The following AEBP2 variants were observed in gnomAD, a reference collection of about 807,000 sequenced individuals.
The protein encoded by AEBP2 is AE binding protein 2.
AEBP2 carries 10 observed loss-of-function variants against 50.8 expected under a neutral mutation model. The observed-to-expected ratio is 0.20, with a 90% CI of 0.12 to 0.33. AEBP2 has a LOEUF of 0.33. Among genes scored for constraint, AEBP2 ranks in the 10% least tolerant of loss-of-function variants. AEBP2 has a pLI of 1.00. For missense variants in AEBP2, 570 were observed against 688.0 expected, an observed-to-expected ratio of 0.83 and a Z score of 1.92; for synonymous variants, 296 against 261.3, an observed-to-expected ratio of 1.13 and a Z score of -1.28.
chr12:19,464,390 A>G (rs1205542855), intron 2 of AEBP2, among the ~76,000 whole-genome samples: 1 of 152,052 alleles, frequency 6.6e-6, no homozygotes, highest in East Asian at 1.9e-4. Flanking sequence ...TGTGTATAGA[A>G]TCATGAGCTA....
chr12:19,518,704 A>G lies in AEBP2; in HGVS notation c.*587A>G, dbSNP rs1477652185. On this transcript the variant is annotated 3_prime_UTR_variant, in exon 8 of 8. Coordinates refer to ENST00000266508, the MANE Select transcript of AEBP2 (RefSeq NM_153207.5). Reference sequence around the variant, plus strand: ...CTGATAAGAAAAGTGTTCAATTTGTATTTAAGCAAACAGTGAACGACGTTT... The same window carrying G: ...CTGATAAGAAAAGTGTTCAATTTGTGTTTAAGCAAACAGTGAACGACGTTT... 1.1e-5 allele frequency: 17 copies of G among 1,493,978 alleles called. No individual in the cohort carries two copies. The highest frequency in any genetic ancestry group is 1.5e-5 in the Non-Finnish European group (17 of 1,105,370). 92.5% of individuals were successfully genotyped at this position (1,493,978 alleles called of 1,614,324 possible).
At chr12:19,420,693 C>T (rs966738944) in intron 1 of AEBP2, among the ~76,000 whole-genome samples, 2 of 152,086 alleles carry the variant, frequency 1.3e-5, no homozygotes, top group African/African-American at 4.8e-5. Context: ...TTTTTACTTC[C>T]CTTTCCATCC....
intron 2 of AEBP2, among the ~76,000 whole-genome samples, chr12:19,464,501 TGAG>T (rs1360418705): frequency 2.6e-5 from 4 of 152,202 alleles, no homozygotes; most frequent in African/African-American, 9.6e-5. Context: ...TACAACCTGA[TGAG>T]AATTTCAGCC....
At position 19,518,216 on chromosome 12, in the gene AEBP2, T is replaced by TTA; in HGVS notation, c.*100_*101insAT. ...AAAGTTGCACATTAGAGTCAACCCC[T>TTA]TCTTTTTTTTTTTTTTTTTTTTAAA... On this transcript the variant is annotated 3_prime_UTR_variant, in exon 8 of 8. Coordinates refer to ENST00000266508, the MANE Select transcript of AEBP2 (RefSeq NM_153207.5). The TTA allele has an allele frequency of 1.5e-6, 2 of 1,305,066 alleles. No individual in the cohort carries two copies. Among genetic ancestry groups the TTA allele is most frequent in the Middle Eastern group, 2.3e-4 (1 of 4,418 alleles). 80.8% of individuals were successfully genotyped at this position (1,305,066 alleles called of 1,614,324 possible). A position where few individuals can be genotyped will look rare whatever the true frequency, so the allele number is the denominator to read the frequency against.
rs571647300 is a variant in AEBP2, at chr12:19,506,167, G to A, written c.1299+5946G>A. Among the ~76,000 whole-genome samples the A allele has an allele frequency of 9.9e-5, 15 of 151,990 alleles. No homozygotes were observed. The East Asian group carries it at 2.9e-3, about 30-fold the overall frequency. On this transcript the variant is annotated intron_variant, in intron 5 of 7. Transcript: ENST00000266508. ...GCCGGAGTGCAGTGACACCATACTG[G>A]CTCACTGCAACCTCTGCCTCCCAGG... is the stretch of plus-strand genomic sequence containing the variant.
chr12:19,432,211 T>C (rs2153365269), intron 1 of AEBP2, among the ~76,000 whole-genome samples: 1 of 152,270 alleles, frequency 6.6e-6, no homozygotes. Context: ...TACTCAAATC[T>C]GTCGCCAGTC....
chr12:19,480,844 C>A (rs75572639), intron 3 of AEBP2, among the ~76,000 whole-genome samples: 7,288 of 152,182 alleles, frequency 0.048, 388 homozygotes, highest in Admixed American at 0.15. Flanking sequence ...TTTAGCAAGG[C>A]CAGGGAAGTT....
chr12:19,492,855 T>C (rs377389390), intron 3 of AEBP2, among the ~76,000 whole-genome samples: 39 of 152,012 alleles, frequency 2.6e-4, no homozygotes, highest in African/African-American at 9.4e-4. Context: ...CGTGTGCCTA[T>C]AGTACCACCA....
chr12:19,490,104 C>T (rs550353362), intron 3 of AEBP2, among the ~76,000 whole-genome samples: 2 of 146,336 alleles, frequency 1.4e-5, no homozygotes, highest in Non-Finnish European at 3.0e-5. Flanking sequence ...ACCTTGGCCT[C>T]CCAGAATGTT....
chr12:19,518,218 C>CTTTTTTTTTTTTTTTTTTT lies in AEBP2; in HGVS notation c.*103_*121dup. ...AGTTGCACATTAGAGTCAACCCCTTCTTTTTTTTTTTTTTTTTTTTAAATC... is the reference window on the plus strand; with the variant it reads ...AGTTGCACATTAGAGTCAACCCCTTCTTTTTTTTTTTTTTTTTTTTTTTTTTTTTTTTTTTTTTTAAATC... On this transcript the variant is annotated 3_prime_UTR_variant, in exon 8 of 8. Transcript: ENST00000266508. The CTTTTTTTTTTTTTTTTTTT allele has an allele frequency of 9.9e-7, 1 of 1,005,786 alleles. No individual in the cohort carries two copies. The highest frequency in any genetic ancestry group is 1.2e-6 in the Non-Finnish European group (1 of 803,910). 62.3% of individuals were successfully genotyped at this position (1,005,786 alleles called of 1,614,324 possible).
At chr12:19,429,083 C>T (rs936660450) in intron 1 of AEBP2, among the ~76,000 whole-genome samples, 18 of 152,140 alleles carry the variant, frequency 1.2e-4, no homozygotes, top group African/African-American at 2.7e-4. Flanking sequence ...TCTATTAACT[C>T]GTCATTTAAC....
chr12:19,510,014 G>C (rs1254595857), intron 5 of AEBP2, among the ~76,000 whole-genome samples: 1 of 151,802 alleles, frequency 6.6e-6, no homozygotes, highest in Non-Finnish European at 1.5e-5. Flanking sequence ...TATATTTTTA[G>C]TAGAGATAGG....
At chr12:19,467,393 G>C (rs888096001) in intron 2 of AEBP2, among the ~76,000 whole-genome samples, 2 of 152,072 alleles carry the variant, frequency 1.3e-5, no homozygotes, top group Non-Finnish European at 2.9e-5. Flanking sequence ...TCCCAGGTTC[G>C]AGTGATGCTC....
chr12:19,516,186 A>G (rs2120632520), intron 7 of AEBP2, among the ~76,000 whole-genome samples: 1 of 152,344 alleles, frequency 6.6e-6, no homozygotes, highest in South Asian at 2.1e-4. Flanking sequence ...GGAGAAGAAG[A>G]TTGAGAGTAA....
upstream of AEBP2, among the ~76,000 whole-genome samples, chr12:19,436,705 C>T (rs1006430340): frequency 6.6e-6 from 1 of 151,864 alleles, no homozygotes; most frequent in Non-Finnish European, 1.5e-5. Context: ...GTCCTCCCAC[C>T]TCAGCCTCCC....
intron 5 of AEBP2, among the ~76,000 whole-genome samples, chr12:19,506,330 A>C (rs1188192534): frequency 6.6e-6 from 1 of 151,858 alleles, no homozygotes; most frequent in Non-Finnish European, 1.5e-5. Flanking sequence ...GAACTCCTGA[A>C]CTGTAGTGAT....
intron 5 of AEBP2, among the ~76,000 whole-genome samples, chr12:19,509,732 A>T (rs866443226): frequency 4.0e-5 from 6 of 151,516 alleles, no homozygotes; most frequent in Middle Eastern, 6.9e-3. Flanking sequence ...TGACAGAGTG[A>T]GACTTTGGCT....
intron 2 of AEBP2, among the ~76,000 whole-genome samples, chr12:19,472,595 T>TCAA (rs1004352310): frequency 6.6e-6 from 1 of 152,206 alleles, no homozygotes; most frequent in African/African-American, 2.4e-5. Flanking sequence ...TCTATTTGTT[T>TCAA]CATTACAAAA....
chr12:19,492,042 G>A (rs1299265993), intron 3 of AEBP2, among the ~76,000 whole-genome samples: 1 of 152,130 alleles, frequency 6.6e-6, no homozygotes, highest in African/African-American at 2.4e-5. Flanking sequence ...TGAGGCATGT[G>A]ATTTTTTTAA....
Sources: gnomAD v4.1 joint callset for allele counts (sites outside exome capture counted in the v4.1 genomes callset) on GRCh38, gnomAD v4.1.1 for gene constraint, MANE v1.5 for transcripts, NCBI Gene and HGNC (gene_info 2026-07-23, HGNC 2026-07-21) for gene names.